Variants in VWA8 observed in about 807,000 individuals in gnomAD.
VWA8 encodes the protein von Willebrand factor A domain containing 8, also known as von Willebrand factor A domain-containing protein 8.
Under a neutral mutation model 241.5 loss-of-function variants are expected in VWA8, and 221 were observed. That is an observed-to-expected ratio of 0.91 (90% confidence interval 0.82 to 1.02). The LOEUF is 1.02. Ranked by LOEUF, VWA8 falls within the 50% of genes least tolerant of loss-of-function variation. The pLI, the probability that VWA8 is intolerant of heterozygous loss-of-function variation, is 0.00. For missense variants in VWA8, 2,322 were observed against 2,328.7 expected (o/e 1.00, Z 0.06); for synonymous variants, 852 against 827.1 (o/e 1.03, Z -0.52).
chr13:41,713,218 T>C (rs1221655256), intron 26 of VWA8, among the ~76,000 whole-genome samples: 1 of 152,126 alleles, frequency 6.6e-6, no homozygotes, highest in East Asian at 1.9e-4. Context: ...GAGGACAAAA[T>C]GAAAAATTCC....
intron 17 of VWA8, among the ~76,000 whole-genome samples, chr13:41,801,716 C>T (rs1028928925): frequency 4.6e-5 from 7 of 152,094 alleles, no homozygotes; most frequent in South Asian, 2.1e-4. Flanking sequence ...TTAGTTTTGT[C>T]GAATTTAGAT....
intron 20 of VWA8, among the ~76,000 whole-genome samples, chr13:41,777,299 C>T (rs904733367): frequency 1.3e-5 from 2 of 152,090 alleles, no homozygotes; most frequent in African/African-American, 4.8e-5. Context: ...CCTATTCAGC[C>T]AGGGACAAGG....
chr13:41,901,108 ATTT>A (rs34752001), intron 4 of VWA8, among the ~76,000 whole-genome samples: 11 of 123,552 alleles, frequency 8.9e-5, no homozygotes, highest in South Asian at 2.7e-4. Flanking sequence ...CATGATCATC[ATTT>A]TTTTTTTTTT....
In VWA8 at chr13:41,615,065, C is replaced by T. The variant is rs765953140; in HGVS notation, c.4631G>A (p.Ser1544Asn). ...RNMQITINRD[S>N]GEDVSSPKHG... ...TTTGGGGGAGCTTACATCTTCACCA[C>T]TGTCTCTGTTGATTGTTATCTAAAA... Residue 1544 changes from serine to asparagine, a missense_variant, in exon 38 of 45, where the codon AGT becomes AAT. Ser to Asn is a conservative substitution (Grantham distance 46, BLOSUM62 1). Transcript: ENST00000379310. 6.2e-7 allele frequency: 1 copy of T among 1,613,876 alleles called. No homozygotes were observed. The highest frequency in any genetic ancestry group is 8.5e-7 in the Non-Finnish European group (1 of 1,179,914).
chr13:41,699,687 A>C (rs936560257), intron 28 of VWA8, among the ~76,000 whole-genome samples: 8 of 152,198 alleles, frequency 5.3e-5, no homozygotes, highest in Non-Finnish European at 1.2e-4. Context: ...TGCATTTTCC[A>C]GATAGTTACT....
intron 12 of VWA8, chr13:41,865,370 TCTA>T (rs1316608795): frequency 6.0e-6 from 2 of 331,446 alleles, no homozygotes; most frequent in African/African-American, 4.5e-5. Flanking sequence ...TAGATTATTG[TCTA>T]CTATAGTCAT....
At chr13:41,704,398 A>T (rs1331818431) in intron 26 of VWA8, among the ~76,000 whole-genome samples, 1 of 152,026 alleles carries the variant, frequency 6.6e-6, no homozygotes, top group Non-Finnish European at 1.5e-5. Flanking sequence ...AAATAAGGTG[A>T]TTTGCCAAAA....
chr13:41,676,362 C>A (rs185725262), intron 35 of VWA8, among the ~76,000 whole-genome samples: 4 of 152,206 alleles, frequency 2.6e-5, no homozygotes, highest in South Asian at 2.1e-4. Flanking sequence ...ATCATCCCAC[C>A]AGCCAAGAGC....
At chr13:41,888,575 GGTCA>G (rs1487675778) in intron 5 of VWA8, among the ~76,000 whole-genome samples, 2 of 151,968 alleles carry the variant, frequency 1.3e-5, no homozygotes, top group African/African-American at 2.4e-5. Flanking sequence ...TAAACACAAG[GGTCA>G]GTCAAAGCTC....
intron 44 of VWA8, 30 bp from the exon 45 acceptor site, chr13:41,568,335 C>G (rs2044275674): frequency 6.3e-7 from 1 of 1,595,618 alleles, no homozygotes; most frequent in Non-Finnish European, 8.6e-7. Context: ...AAGGAAGTTA[C>G]CACTGTAAAT....
chr13:41,659,258 T>A (rs1166775797), intron 37 of VWA8, among the ~76,000 whole-genome samples: 1 of 152,198 alleles, frequency 6.6e-6, no homozygotes, highest in Non-Finnish European at 1.5e-5. Flanking sequence ...TATGATACAT[T>A]TAAAAGCAGA....
In VWA8 at chr13:41,772,248, C is replaced by G. The variant is rs563901571; in HGVS notation, c.2349+5737G>C. On this transcript the variant is annotated intron_variant, in intron 20 of 44. Transcript: ENST00000379310. ...TGGCACTTATGGCTGATTCTATAGC[C>G]CCCAATTTTCACAATAAATATTTTG... Among the ~76,000 whole-genome samples, 15 of 152,166 alleles carry G rather than the reference C, an allele frequency of 9.9e-5. No individual in the cohort carries two copies. The South Asian group carries it at 2.7e-3, about 27-fold the overall frequency.
At chr13:41,900,398 C>G (rs1875368229) in intron 4 of VWA8, among the ~76,000 whole-genome samples, 1 of 152,040 alleles carries the variant, frequency 6.6e-6, no homozygotes, top group East Asian at 1.9e-4. Context: ...TTCCAGAGAC[C>G]TAATTTTCTC....
At chr13:41,844,271 C>T (rs1024277262) in intron 12 of VWA8, among the ~76,000 whole-genome samples, 18 of 151,976 alleles carry the variant, frequency 1.2e-4, no homozygotes, top group Non-Finnish European at 2.4e-4. Context: ...AAAAAGCTTC[C>T]GATAAAATCC....
At position 41,675,313 on chromosome 13, in the gene VWA8, A is replaced by G. The variant is rs1307775594; in HGVS notation, c.4328-17T>C. 1 of 1,582,868 alleles carries G rather than the reference A, an allele frequency of 6.3e-7. No homozygotes were observed. The highest frequency in any genetic ancestry group is 1.1e-5 in the South Asian group (1 of 88,906). ...GAGTAACATCTACAAACAAGTCATG[A>G]CATGAGCCAAGTATTAAATTACTGC... On this transcript the variant is annotated splice_polypyrimidine_tract_variant and intron_variant, in intron 35 of 44. Coordinates refer to ENST00000379310, the MANE Select transcript of VWA8 (RefSeq NM_015058.2).
intron 17 of VWA8, among the ~76,000 whole-genome samples, chr13:41,795,970 A>G (rs943437432): frequency 6.6e-6 from 1 of 152,188 alleles, no homozygotes; most frequent in Non-Finnish European, 1.5e-5. Context: ...AAAATAAAGA[A>G]AAAAATAAAT....
intron 5 of VWA8, among the ~76,000 whole-genome samples, chr13:41,888,354 T>C (rs969491177): frequency 3.3e-5 from 5 of 152,182 alleles, no homozygotes; most frequent in African/African-American, 9.7e-5. Flanking sequence ...AATGACAATA[T>C]AGAAACTCTT....
chr13:41,897,912 T>C lies in VWA8; in HGVS notation c.484-6325A>G, dbSNP rs533200221. On this transcript the variant is annotated intron_variant, in intron 4 of 44. Coordinates refer to ENST00000379310, the MANE Select transcript of VWA8 (RefSeq NM_015058.2). ...TAGCTGGCCCCCACCCACATCCTGC[T>C]GATTGGTAGAGCCGAGTGGTCTGTT... is the stretch of plus-strand genomic sequence containing the variant. 1.7e-3 allele frequency among the ~76,000 whole-genome samples: 259 copies of C among 152,330 alleles called. 2 individuals are homozygous for C. The highest frequency in any genetic ancestry group is 5.7e-3 in the African/African-American group (238 of 41,574).
chr13:41,939,402 T>C (rs1877495377), intron 2 of VWA8, among the ~76,000 whole-genome samples: 2 of 152,160 alleles, frequency 1.3e-5, no homozygotes, highest in Non-Finnish European at 1.5e-5. Flanking sequence ...CTTCAACACT[T>C]ACAGGTGAGA....
Sources: gnomAD v4.1 joint callset for allele counts (sites outside exome capture counted in the v4.1 genomes callset) on GRCh38, gnomAD v4.1.1 for gene constraint, MANE v1.5 for transcripts, NCBI Gene and HGNC (gene_info 2026-07-23, HGNC 2026-07-21) for gene names.